EYS: variants seen among roughly 807,000 people sequenced by gnomAD.
The protein encoded by EYS is EGF-like photoreceptor maintenance factor, also known as protein eyes shut homolog.
A neutral mutation model predicts 282.1 loss-of-function variants in EYS; 250 were observed. The ratio of observed to expected loss-of-function variants is 0.89; its 90% CI spans 0.80 to 0.98. EYS has a LOEUF of 0.98. EYS is among the 50% of genes least tolerant of loss of function. EYS has a pLI of 0.00. For synonymous variants in EYS, 1,355 were observed against 1,282.9 expected (o/e 1.06, Z -1.20); for missense variants, 4,016 against 3,709.0 (o/e 1.08, Z -2.15).
Position 65,100,772 on chromosome 6 carries a change from CA to C in EYS, c.2024-43046del, listed in dbSNP as rs527752155. On this transcript the variant is annotated intron_variant, in intron 12 of 42. Transcript: ENST00000503581. Reference sequence around the variant, plus strand: ...ATCAAAACTGCCTCTATAAAAGCTCCAAAAAAAAAAATAGAATAGAGACCCA... The same window carrying C: ...ATCAAAACTGCCTCTATAAAAGCTCCAAAAAAAAAATAGAATAGAGACCCA... Among the ~76,000 whole-genome samples, 150 of 135,206 alleles carry C rather than the reference CA, an allele frequency of 1.1e-3. 1 individual carries two copies. The highest frequency in any genetic ancestry group is 2.0e-3 in the African/African-American group (77 of 37,636). The allele number at this position is 135,206 out of a possible 152,430, so 88.7% of individuals were successfully genotyped here. A position where few individuals can be genotyped will look rare whatever the true frequency, so the allele number is the denominator to read the frequency against.
chr6:65,045,295 T>G (rs949258447), intron 13 of EYS, among the ~76,000 whole-genome samples: 1 of 151,910 alleles, frequency 6.6e-6, no homozygotes, highest in Non-Finnish European at 1.5e-5. Flanking sequence ...TATTTCCATT[T>G]AACTCTGTGC....
At chr6:63,995,027 A>G (rs1203563470) in intron 34 of EYS, among the ~76,000 whole-genome samples, 2 of 151,972 alleles carry the variant, frequency 1.3e-5, no homozygotes, top group Non-Finnish European at 2.9e-5. Context: ...GACAAGTGGG[A>G]CCTATGTCAA....
intron 22 of EYS, among the ~76,000 whole-genome samples, chr6:64,782,756 T>A (rs1273907751): frequency 6.6e-6 from 1 of 152,194 alleles, no homozygotes; most frequent in African/African-American, 2.4e-5. Flanking sequence ...TGTAAAAGAA[T>A]AGTTTAAAGT....
At chr6:64,171,035 CTATAT>C (rs1191775700) in intron 31 of EYS, among the ~76,000 whole-genome samples, 5 of 152,268 alleles carry the variant, frequency 3.3e-5, no homozygotes, top group Non-Finnish European at 7.3e-5. Flanking sequence ...CTTCTGCTTA[CTATAT>C]TGCTTATCCG....
intron 12 of EYS, among the ~76,000 whole-genome samples, chr6:65,194,662 G>A (rs1765721582): frequency 6.6e-6 from 1 of 151,902 alleles, no homozygotes; most frequent in African/African-American, 2.4e-5. Flanking sequence ...TGAAGGGCCT[G>A]TATCCCAAGT....
chr6:64,106,847 T>A (rs1773029968), intron 31 of EYS, among the ~76,000 whole-genome samples: 1 of 152,034 alleles, frequency 6.6e-6, no homozygotes, highest in South Asian at 2.1e-4. Flanking sequence ...AGATCTTGGG[T>A]ATTCTGTTCT....
At chr6:65,212,019 T>C (rs994315129) in intron 12 of EYS, among the ~76,000 whole-genome samples, 4 of 151,990 alleles carry the variant, frequency 2.6e-5, no homozygotes, top group Non-Finnish European at 4.4e-5. Context: ...GAAAACACCA[T>C]TGTGTTTACT....
intron 8 of EYS, among the ~76,000 whole-genome samples, chr6:65,383,785 T>C (rs1765703720): frequency 6.6e-6 from 1 of 151,922 alleles, no homozygotes; most frequent in Non-Finnish European, 1.5e-5. Context: ...TCATTTTAAC[T>C]AGTTTTTATA....
rs1765351063 is a variant in EYS, at chr6:64,560,148, A to G, written c.5644+30075T>C. The stretch of plus-strand genomic sequence containing the variant: ...GCAAGATATTTTTCATCATTTTTAT[A>G]GTTCATACCAAAATATACTAATTTT... On this transcript the variant is annotated intron_variant, in intron 26 of 42. Coordinates refer to ENST00000503581, the MANE Select transcript of EYS (RefSeq NM_001142800.2). Among the ~76,000 whole-genome samples, 3 of 152,196 alleles carry G rather than the reference A, an allele frequency of 2.0e-5. No individual in the cohort carries two copies. In the South Asian group the frequency reaches 6.2e-4, roughly 31 times the overall value.
chr6:64,714,314 C>G (rs1219074338), intron 22 of EYS, among the ~76,000 whole-genome samples: 1 of 152,026 alleles, frequency 6.6e-6, no homozygotes, highest in Non-Finnish European at 1.5e-5. Context: ...GGGAAGTATT[C>G]TAATAAGTGT....
Position 65,598,247 on chromosome 6 carries a change from C to G in EYS, c.-333+41531G>C, listed in dbSNP as rs113332873. Among the ~76,000 whole-genome samples the G allele has an allele frequency of 1.9e-4, 16 of 83,918 alleles. 1 individual carries two copies. In the South Asian group the frequency reaches 9.5e-3, roughly 50 times the overall value. 55.1% of individuals were successfully genotyped at this position (83,918 alleles called of 152,430 possible). A position where few individuals can be genotyped will look rare whatever the true frequency, so the allele number is the denominator to read the frequency against. ...ACCCTCCTCCCCACCCACCCCCCCCCCAAAAAAAAAAACAAAAACTTTTCT... is the reference window on the plus strand; with the variant it reads ...ACCCTCCTCCCCACCCACCCCCCCCGCAAAAAAAAAAACAAAAACTTTTCT... On this transcript the variant is annotated intron_variant, in intron 2 of 42. Coordinates refer to ENST00000503581, the MANE Select transcript of EYS (RefSeq NM_001142800.2).
intron 26 of EYS, among the ~76,000 whole-genome samples, chr6:64,581,595 G>C (rs12525569): frequency 0.1 from 15,354 of 151,954 alleles, 927 homozygotes; most frequent in East Asian, 0.17. Context: ...TATAATTTAA[G>C]AATTAAACAT....
intron 22 of EYS, among the ~76,000 whole-genome samples, chr6:64,796,784 T>C (rs145939946): frequency 5.3e-5 from 8 of 152,150 alleles, no homozygotes; most frequent in Admixed American, 2.0e-4. Flanking sequence ...TTCTTTTGCA[T>C]ATCCTAGACA....
intron 35 of EYS, among the ~76,000 whole-genome samples, chr6:63,926,206 G>A (rs1422722589): frequency 6.6e-6 from 1 of 152,116 alleles, no homozygotes; most frequent in African/African-American, 2.4e-5. Context: ...TGGAAAGTGG[G>A]AATTAATCTA....
chr6:64,500,347 C>A (rs1397684345), intron 26 of EYS, among the ~76,000 whole-genome samples: 2 of 152,034 alleles, frequency 1.3e-5, no homozygotes, highest in African/African-American at 4.8e-5. Context: ...TTTCCTGCTT[C>A]ATGGTACGTA....
At chr6:64,729,326 C>T (rs1273004760) in intron 22 of EYS, among the ~76,000 whole-genome samples, 2 of 152,086 alleles carry the variant, frequency 1.3e-5, no homozygotes, top group Non-Finnish European at 2.9e-5. Flanking sequence ...CTTTCTATCC[C>T]CTTCTGTGAA....
chr6:65,661,579 C>T (rs1156673935), intron 1 of EYS, among the ~76,000 whole-genome samples: 1 of 152,008 alleles, frequency 6.6e-6, no homozygotes, highest in African/African-American at 2.4e-5. Context: ...TTGCCTTATA[C>T]TTCCATGGAA....
At chr6:64,882,191 G>A (rs11963602) in intron 19 of EYS, among the ~76,000 whole-genome samples, 6 of 151,704 alleles carry the variant, frequency 4.0e-5, no homozygotes, top group Admixed American at 1.3e-4. Context: ...TCTCCATTGC[G>A]TCCAGATTAA....
In EYS at chr6:63,760,102, A is replaced by G. The variant is rs548057101; in HGVS notation, c.8071+2359T>C. The stretch of plus-strand genomic sequence containing the variant: ...AATGGAAAAAATGTGAAAACAAAAA[A>G]GGAAACATTTTCAATATTTGCTGGG... On this transcript the variant is annotated intron_variant, in intron 41 of 42. Coordinates refer to ENST00000503581, the MANE Select transcript of EYS (RefSeq NM_001142800.2). 4.5e-4 allele frequency among the ~76,000 whole-genome samples: 68 copies of G among 152,238 alleles called. No homozygotes were observed. In the South Asian group the frequency reaches 9.7e-3, roughly 22 times the overall value.
Sources: allele counts gnomAD v4.1 joint callset (sites outside exome capture counted in the v4.1 genomes callset), GRCh38; gene constraint gnomAD v4.1.1; transcripts MANE v1.5; gene names NCBI Gene and HGNC (gene_info 2026-07-23, HGNC 2026-07-21).